The following SNX29 variants were observed in gnomAD, a reference collection of about 807,000 sequenced individuals.
The protein encoded by SNX29 is sorting nexin 29, also known as sorting nexin-29.
A neutral mutation model predicts 102.1 loss-of-function variants in SNX29; 78 were observed. The ratio of observed to expected loss-of-function variants is 0.76; its 90% CI spans 0.64 to 0.92. The LOEUF is 0.92. Among genes scored for constraint, SNX29 ranks in the 40% least tolerant of loss-of-function variants. The probability of loss-of-function intolerance (pLI) is 0.00; values close to 1 mark genes in which losing one functional copy is unlikely to be tolerated. For missense variants in SNX29, 1,280 were observed against 1,061.7 expected (o/e 1.21, Z -2.86); for synonymous variants, 580 against 414.5 (o/e 1.40, Z -4.85).
At chr16:12,303,909 C>G (rs1334240689) in intron 15 of SNX29, among the ~76,000 whole-genome samples, 1 of 152,188 alleles carries the variant, frequency 6.6e-6, no homozygotes, top group Non-Finnish European at 1.5e-5. Flanking sequence ...ACTCTCCCTC[C>G]TATTCCCCCA....
rs749051833 is a variant in SNX29, at chr16:12,278,036, G to T, written c.1782G>T (p.Glu594Asp). Reference protein sequence around the residue: ...LASSYERKLIEVAEMHGELIE... With the variant: ...LASSYERKLIDVAEMHGELIE... The stretch of plus-strand genomic sequence containing the variant: ...GCTCCTACGAAAGAAAGCTCATCGA[G>T]GTAAGGCCGGTGGAGTCTGTGTGTC... The change falls in exon 15 of 21, where the codon GAG (glutamate) becomes GAT (aspartate). Residue 594 changes from glutamate to aspartate, a missense_variant and splice_region_variant. Glu to Asp is a conservative substitution (Grantham distance 45). Coordinates refer to ENST00000566228, the MANE Select transcript of SNX29 (RefSeq NM_032167.5). 1.3e-6 allele frequency: 2 copies of T among 1,593,284 alleles called. No individual in the cohort carries two copies. The highest frequency in any genetic ancestry group is 8.5e-7 in the Non-Finnish European group (1 of 1,169,600).
At position 12,029,408 on chromosome 16, in the gene SNX29, A is replaced by G. The variant is rs1472905624; in HGVS notation, c.247+1964A>G. 1.4e-5 allele frequency among the ~76,000 whole-genome samples: 2 copies of G among 145,108 alleles called. 1 individual carries two copies. The highest frequency in any genetic ancestry group is 7.5e-3 in the Middle Eastern group (2 of 268). ...TTTTTGAGGAACAAAGCAAAAATTA[A>G]TGAAAAGTGACCCAGAGCTCTACAC... On this transcript the variant is annotated intron_variant, in intron 4 of 20. Coordinates refer to ENST00000566228, the MANE Select transcript of SNX29 (RefSeq NM_032167.5).
At chr16:11,999,448 C>A in intron 2 of SNX29, 90 bp downstream of exon 2, 1 of 1,235,684 alleles carries the variant, frequency 8.1e-7, no homozygotes, top group Non-Finnish European at 1.2e-6. Flanking sequence ...CATACACAGA[C>A]TAACTCCCAC....
chr16:12,479,222 C>T (rs138862340), intron 19 of SNX29, among the ~76,000 whole-genome samples: 2,076 of 152,298 alleles, frequency 0.014, 24 homozygotes, highest in Middle Eastern at 0.061. Flanking sequence ...TGAGGACTGC[C>T]GTTCTATCTT....
intron 3 of SNX29, among the ~76,000 whole-genome samples, chr16:12,013,542 T>TATATAGAGAGAGAGAGAG (rs1382498593): frequency 7.3e-5 from 8 of 109,074 alleles, no homozygotes; most frequent in African/African-American, 2.8e-4. Context: ...TATATATATA[T>TATATAGAGAGAGAGAGAG]CGAGAGAGGA....
At chr16:12,464,468 T>C (rs1445593303) in intron 18 of SNX29, among the ~76,000 whole-genome samples, 1 of 152,134 alleles carries the variant, frequency 6.6e-6, no homozygotes, top group Admixed American at 6.5e-5. Flanking sequence ...AGTTAGTTAA[T>C]TTGAGACAGG....
chr16:12,233,082 T>C (rs996853343), intron 14 of SNX29, among the ~76,000 whole-genome samples: 2 of 152,164 alleles, frequency 1.3e-5, no homozygotes, highest in Non-Finnish European at 2.9e-5. Context: ...CCTCTTTGTC[T>C]TCATCTTCTT....
intron 15 of SNX29, among the ~76,000 whole-genome samples, chr16:12,339,102 T>G (rs544805621): frequency 6.6e-6 from 1 of 152,144 alleles, no homozygotes; most frequent in Non-Finnish European, 1.5e-5. Context: ...GCATGGTGGC[T>G]CACACCTGTA....
intron 2 of SNX29, among the ~76,000 whole-genome samples, chr16:12,001,687 C>T (rs1034748527): frequency 2.6e-5 from 4 of 151,990 alleles, no homozygotes; most frequent in Admixed American, 6.6e-5. Flanking sequence ...ACCCTGCAAG[C>T]GTGCTACCCA....
intron 16 of SNX29, among the ~76,000 whole-genome samples, chr16:12,387,826 C>G (rs1258612295): frequency 6.6e-6 from 1 of 152,164 alleles, no homozygotes; most frequent in Admixed American, 6.5e-5. Flanking sequence ...TCCCCTACTT[C>G]CATGCCTCCA....
chr16:12,045,636 A>ATTG (rs2050056637), intron 5 of SNX29, among the ~76,000 whole-genome samples: 1 of 146,472 alleles, frequency 6.8e-6, no homozygotes, highest in South Asian at 2.1e-4. Flanking sequence ...TATTATTATT[A>ATTG]TTATTATTAT....
chr16:12,486,536 C>T lies in SNX29; in HGVS notation c.2178+8677C>T, dbSNP rs151028849. Among the ~76,000 whole-genome samples, 23 of 152,368 alleles carry T rather than the reference C, an allele frequency of 1.5e-4. No homozygotes were observed. In the South Asian group the frequency reaches 1.9e-3, roughly 12 times the overall value. On this transcript the variant is annotated intron_variant, in intron 19 of 20. Transcript: ENST00000566228. ...GTGAAGTGACTTGCTTGGGCCATCT[C>T]GCTTGGCAGCGTCAAGGCTGATATC...
At chr16:12,526,726 C>T (rs2076793831) in intron 20 of SNX29, 1 of 468,340 alleles carries the variant, frequency 2.1e-6, no homozygotes, top group South Asian at 1.9e-5. Flanking sequence ...TAAGATACTC[C>T]TGATGCTGAG....
At chr16:12,491,676 C>T (rs576308940) in intron 19 of SNX29, among the ~76,000 whole-genome samples, 1 of 152,238 alleles carries the variant, frequency 6.6e-6, no homozygotes, top group Non-Finnish European at 1.5e-5. Context: ...CTATCCCTCC[C>T]CCTTCCCCCA....
At chr16:12,494,631 A>G (rs2088721055) in intron 19 of SNX29, among the ~76,000 whole-genome samples, 1 of 152,204 alleles carries the variant, frequency 6.6e-6, no homozygotes. Flanking sequence ...AGCCACGTTC[A>G]GCTTAACCAC....
At chr16:12,004,943 T>G (rs537711717) in intron 3 of SNX29, among the ~76,000 whole-genome samples, 6 of 152,246 alleles carry the variant, frequency 3.9e-5, no homozygotes, top group Non-Finnish European at 7.3e-5. Context: ...ATTTGCTGTC[T>G]TGTTTACAGA....
At chr16:12,330,833 G>A (rs763717810) in intron 15 of SNX29, among the ~76,000 whole-genome samples, 10 of 151,182 alleles carry the variant, frequency 6.6e-5, no homozygotes, top group Admixed American at 1.3e-4. Flanking sequence ...GAGTTTGGGT[G>A]CAGCTTCACG....
At chr16:12,339,081 G>C (rs1250377253) in intron 15 of SNX29, among the ~76,000 whole-genome samples, 1 of 152,140 alleles carries the variant, frequency 6.6e-6, no homozygotes, top group African/African-American at 2.4e-5. Context: ...TTCATAATAA[G>C]TGGCAGCCGG....
At chr16:12,181,735 C>G (rs1031786941) in intron 13 of SNX29, among the ~76,000 whole-genome samples, 2 of 152,062 alleles carry the variant, frequency 1.3e-5, no homozygotes, top group African/African-American at 4.8e-5. Context: ...CAGGGCTTTT[C>G]ATCAGATCTG....
Sources: gnomAD v4.1 joint callset for allele counts (sites outside exome capture counted in the v4.1 genomes callset) on GRCh38, gnomAD v4.1.1 for gene constraint, MANE v1.5 for transcripts, NCBI Gene and HGNC (gene_info 2026-07-23, HGNC 2026-07-21) for gene names.